GLI3: variants seen among roughly 807,000 people sequenced by gnomAD.
The protein encoded by GLI3 is GLI family zinc finger 3, also known as transcription activator GLI3.
A neutral mutation model predicts 100.8 loss-of-function variants in GLI3; 20 were observed. That is an observed-to-expected ratio of 0.20 (90% CI 0.14 to 0.29). GLI3 has a LOEUF of 0.29. Among genes scored for constraint, GLI3 ranks in the 10% least tolerant of loss-of-function variants. GLI3 has a pLI of 1.00. For synonymous variants in GLI3, 938 were observed against 860.5 expected (o/e 1.09, Z -1.58); for missense variants, 2,040 against 2,128.5 (o/e 0.96, Z 0.82).
At chr7:42,202,319 GTCTCTC>G (rs35402770) in intron 2 of GLI3, among the ~76,000 whole-genome samples, 1 of 124,816 alleles carries the variant, frequency 8.0e-6, no homozygotes, top group South Asian at 3.0e-4. Context: ...CATAGAATCT[GTCTCTC>G]TCTCTCTCTC....
chr7:42,008,796 G>C (rs971846945), intron 10 of GLI3, among the ~76,000 whole-genome samples: 6 of 152,182 alleles, frequency 3.9e-5, no homozygotes, highest in African/African-American at 1.2e-4. Flanking sequence ...GCTAGGCTTG[G>C]TGGAAACTAT....
intron 3 of GLI3, among the ~76,000 whole-genome samples, chr7:42,128,788 G>A (rs1306269748): frequency 6.6e-6 from 1 of 152,046 alleles, no homozygotes. Flanking sequence ...GGAAGTCCAT[G>A]GGTCTTAACA....
intron 7 of GLI3, among the ~76,000 whole-genome samples, chr7:42,028,305 T>A (rs1385941388): frequency 6.6e-6 from 1 of 151,966 alleles, no homozygotes; most frequent in Non-Finnish European, 1.5e-5. Flanking sequence ...TGAAAGAGGG[T>A]CCCTGAAGGT....
At chr7:42,207,973 C>A (rs566466064) in intron 2 of GLI3, among the ~76,000 whole-genome samples, 1 of 152,248 alleles carries the variant, frequency 6.6e-6, no homozygotes, top group African/African-American at 2.4e-5. Context: ...GCCTGGCCAA[C>A]GTGGCAAAAC....
intron 2 of GLI3, among the ~76,000 whole-genome samples, chr7:42,210,345 C>T (rs59842874): frequency 2.4e-5 from 3 of 125,486 alleles, no homozygotes; most frequent in African/African-American, 1.1e-4. Flanking sequence ...AAAGCCCCCC[C>T]CCCCCCCCCA....
chr7:41,990,215 C>T (rs1389183146), intron 10 of GLI3, among the ~76,000 whole-genome samples: 1 of 151,832 alleles, frequency 6.6e-6, no homozygotes, highest in Non-Finnish European at 1.5e-5. Flanking sequence ...CAAAGGTAGG[C>T]ACAAAGTTTT....
chr7:42,141,482 G>C (rs1357336798), intron 3 of GLI3, among the ~76,000 whole-genome samples: 1 of 152,092 alleles, frequency 6.6e-6, no homozygotes, highest in Non-Finnish European at 1.5e-5. Flanking sequence ...GACCAGCGTG[G>C]CCAACATGGC....
At chr7:42,233,491 G>C (rs1788733308) in intron 1 of GLI3, among the ~76,000 whole-genome samples, 1 of 152,182 alleles carries the variant, frequency 6.6e-6, no homozygotes, top group Admixed American at 6.5e-5. Flanking sequence ...CAAATGCATA[G>C]AGACGTTTGA....
At chr7:42,123,353 C>G (rs1786048268) in intron 3 of GLI3, among the ~76,000 whole-genome samples, 1 of 152,176 alleles carries the variant, frequency 6.6e-6, no homozygotes, top group East Asian at 1.9e-4. Flanking sequence ...AATTCACAAA[C>G]TTGGTGGTTT....
chr7:42,165,075 G>A (rs1222234950), intron 2 of GLI3, among the ~76,000 whole-genome samples: 1 of 150,928 alleles, frequency 6.6e-6, no homozygotes, highest in Admixed American at 6.6e-5. Context: ...AAGAGTTCTA[G>A]ACCAGCCTGG....
chr7:42,184,244 T>C (rs1161501156), intron 2 of GLI3, among the ~76,000 whole-genome samples: 15 of 152,212 alleles, frequency 9.9e-5, no homozygotes, highest in Non-Finnish European at 1.5e-4. Context: ...CTCTGGCCAG[T>C]CTCTGTTTCT....
chr7:42,199,019 T>C (rs556488478), intron 2 of GLI3, among the ~76,000 whole-genome samples: 2 of 151,806 alleles, frequency 1.3e-5, no homozygotes, highest in Non-Finnish European at 2.9e-5. Context: ...AAATTTATTA[T>C]GATGATAGAT....
At chr7:42,180,602 C>T (rs1394542939) in intron 2 of GLI3, among the ~76,000 whole-genome samples, 2 of 152,156 alleles carry the variant, frequency 1.3e-5, no homozygotes, top group Admixed American at 1.3e-4. Flanking sequence ...AGGATGCGCT[C>T]AGCATTGCCT....
At chr7:42,175,305 G>C (rs1468615039) in intron 2 of GLI3, among the ~76,000 whole-genome samples, 2 of 152,180 alleles carry the variant, frequency 1.3e-5, no homozygotes, top group African/African-American at 2.4e-5. Flanking sequence ...TCACCCTTTT[G>C]GGGCTCAGTC....
chr7:42,138,242 G>A (rs1230375425), intron 3 of GLI3, among the ~76,000 whole-genome samples: 1 of 152,192 alleles, frequency 6.6e-6, no homozygotes, highest in Admixed American at 6.5e-5. Context: ...CGTCAGCAGT[G>A]TTATCAGAAG....
chr7:42,082,344 T>C (rs1181412859), intron 3 of GLI3, among the ~76,000 whole-genome samples: 1 of 152,196 alleles, frequency 6.6e-6, no homozygotes, highest in South Asian at 2.1e-4. Flanking sequence ...GACTCCAAGA[T>C]GCAGACTGAC....
upstream of GLI3, among the ~76,000 whole-genome samples, chr7:42,241,662 A>G (rs1329770383): frequency 6.6e-6 from 1 of 152,188 alleles, no homozygotes; most frequent in Non-Finnish European, 1.5e-5. Context: ...TTCCTGGAAC[A>G]TTGGGATTAT....
Position 41,965,240 on chromosome 7 carries a change from G to T in GLI3, c.3833C>A (p.Ala1278Asp). The T allele has an allele frequency of 1.2e-6, 2 of 1,613,830 alleles. No homozygotes were observed. Among genetic ancestry groups the T allele is most frequent in the Non-Finnish European group, 1.7e-6 (2 of 1,179,898 alleles). ...LDGACGAGIQ[A>D]SKLKSTPMQG... ...CATGGGGGTGCTCTTCAGCTTTGAG[G>T]CTTGAATCCCGGCACCACAGGCACC... Residue 1278 changes from alanine to aspartate, a missense_variant, in exon 15 of 15, where the codon GCC (alanine) becomes GAC (aspartate). Coordinates refer to ENST00000395925, the MANE Select transcript of GLI3 (RefSeq NM_000168.6).
At chr7:42,076,048 C>G (rs952232500) in intron 4 of GLI3, among the ~76,000 whole-genome samples, 5 of 152,180 alleles carry the variant, frequency 3.3e-5, no homozygotes, top group African/African-American at 1.2e-4. Context: ...CAGCCCATCC[C>G]AGAGAGTGGC....
Sources: gnomAD v4.1 joint callset for allele counts (sites outside exome capture counted in the v4.1 genomes callset) on GRCh38, gnomAD v4.1.1 for gene constraint, MANE v1.5 for transcripts, NCBI Gene and HGNC (gene_info 2026-07-23, HGNC 2026-07-21) for gene names.